The following UST variants were observed in gnomAD, a reference collection of about 807,000 sequenced individuals.
UST encodes uronyl 2-sulfotransferase.
Under a neutral mutation model 45.6 loss-of-function variants are expected in UST, and 21 were observed. The observed-to-expected ratio is 0.46, with a 90% CI of 0.33 to 0.66. The LOEUF (loss-of-function observed/expected upper bound fraction) is 0.66. Among genes scored for constraint, UST ranks in the 30% least tolerant of loss-of-function variants. UST has a pLI of 0.02. For missense variants in UST, 463 were observed against 512.4 expected, an observed-to-expected ratio of 0.90 and a Z score of 0.93; for synonymous variants, 215 against 200.6, an observed-to-expected ratio of 1.07 and a Z score of -0.61.
At chr6:148,792,452 C>T (rs1776867818) in intron 1 of UST, among the ~76,000 whole-genome samples, 1 of 152,116 alleles carries the variant, frequency 6.6e-6, no homozygotes, top group Non-Finnish European at 1.5e-5. Flanking sequence ...AACTATCCTC[C>T]CAGACACTTC....
intron 1 of UST, among the ~76,000 whole-genome samples, chr6:148,824,909 T>A (rs1426537268): frequency 4.5e-5 from 6 of 134,776 alleles, no homozygotes; most frequent in African/African-American, 1.4e-4. Context: ...AATTCCCACC[T>A]ATGAGTGAGA....
intron 1 of UST, among the ~76,000 whole-genome samples, chr6:148,848,500 G>A (rs1182750342): frequency 2.0e-5 from 3 of 152,022 alleles, no homozygotes; most frequent in Non-Finnish European, 2.9e-5. Flanking sequence ...GTGAAACCCT[G>A]TCTCTACTAA....
chr6:149,030,669 T>G lies in UST; in HGVS notation c.937+9188T>G, dbSNP rs1181566516. Among the ~76,000 whole-genome samples, 8 of 151,716 alleles carry G rather than the reference T, an allele frequency of 5.3e-5. No individual in the cohort carries two copies. The South Asian group carries it at 1.7e-3, about 32-fold the overall frequency. ...ATATTCTCTATAAAGATTTTTTTTT[T>G]CAGCAGCCATGTCCCAGGCTCAGAT... On this transcript the variant is annotated intron_variant, in intron 7 of 7. Transcript: ENST00000367463.
intron 5 of UST, chr6:148,993,099 G>A (rs1207914225): frequency 2.0e-6 from 2 of 984,016 alleles, no homozygotes; most frequent in East Asian, 1.1e-4. Flanking sequence ...TTTGTTTCTA[G>A]GTCAGTTAAC....
chr6:148,966,773 G>A (rs1780809908), intron 5 of UST, among the ~76,000 whole-genome samples: 1 of 152,222 alleles, frequency 6.6e-6, no homozygotes, highest in African/African-American at 2.4e-5. Context: ...GTCTTGCTCT[G>A]TTGCCCAGGC....
chr6:149,066,578 A>G (rs749346903), intron 7 of UST, among the ~76,000 whole-genome samples: 6 of 152,132 alleles, frequency 3.9e-5, no homozygotes, highest in Non-Finnish European at 7.4e-5. Flanking sequence ...CTGCCAAACC[A>G]GCTGATACTG....
At chr6:149,056,128 T>C (rs1250234010) in intron 7 of UST, among the ~76,000 whole-genome samples, 55 of 110,644 alleles carry the variant, frequency 5.0e-4, no homozygotes, top group African/African-American at 2.2e-3. Context: ...TTTTTTTTTT[T>C]TTTTTTTTTT....
Position 149,057,177 on chromosome 6 carries a change from A to G in UST, c.938-16656A>G, listed in dbSNP as rs557752161. 1.5e-4 allele frequency among the ~76,000 whole-genome samples: 23 copies of G among 152,376 alleles called. No homozygotes were observed. The South Asian group carries it at 4.3e-3, about 29-fold the overall frequency. ...AGCCCTATCTGAGTACCCAGTTCAT[A>G]GAATCCAAAAATGAGAAAAGATTTC... On this transcript the variant is annotated intron_variant, in intron 7 of 7. Coordinates refer to ENST00000367463, the MANE Select transcript of UST (RefSeq NM_005715.3).
intron 7 of UST, among the ~76,000 whole-genome samples, chr6:149,051,518 G>C (rs1341029186): frequency 1.3e-5 from 2 of 152,228 alleles, no homozygotes; most frequent in African/African-American, 2.4e-5. Context: ...AAGATCTTAA[G>C]TGGATCCTCT....
intron 7 of UST, among the ~76,000 whole-genome samples, chr6:149,039,808 G>A (rs557157940): frequency 2.6e-4 from 40 of 152,336 alleles, no homozygotes; most frequent in African/African-American, 9.6e-4. Flanking sequence ...TCATTTGCAC[G>A]AAGTGGAGGA....
chr6:148,911,965 G>C (rs979622517), intron 2 of UST, among the ~76,000 whole-genome samples: 2 of 152,118 alleles, frequency 1.3e-5, no homozygotes, highest in African/African-American at 4.8e-5. Context: ...GTGAGACTAA[G>C]GGGGGCAGAT....
rs917145258 is a variant in UST at position 148,976,027 on chromosome 6, G to A, written c.681+11464G>A. On this transcript the variant is annotated intron_variant, in intron 5 of 7. Transcript: ENST00000367463. ...GAATGGAGACAATATTTACAAATAT[G>A]ACAAAGAATTTATTCTTAAAGATAT... Among the ~76,000 whole-genome samples, 3 of 152,060 alleles carry A rather than the reference G, an allele frequency of 2.0e-5. No homozygotes were observed. In the East Asian group the frequency reaches 5.8e-4, roughly 29 times the overall value.
rs1180638273 is a variant in UST at position 148,917,065 on chromosome 6, G to A, written c.292-24214G>A. ...AAAGAGGAGAAAGGAGTGAAGAAAGGGAAGAGGAGGGGAGGGGTCCTAGGC... is the reference window on the plus strand; with the variant it reads ...AAAGAGGAGAAAGGAGTGAAGAAAGAGAAGAGGAGGGGAGGGGTCCTAGGC... On this transcript the variant is annotated intron_variant, in intron 2 of 7. Coordinates refer to ENST00000367463, the MANE Select transcript of UST (RefSeq NM_005715.3). Among the ~76,000 whole-genome samples, 5 of 152,208 alleles carry A rather than the reference G, an allele frequency of 3.3e-5. No individual in the cohort carries two copies. In the South Asian group the frequency reaches 6.2e-4, roughly 19 times the overall value.
At chr6:149,064,997 G>A (rs961006909) in intron 7 of UST, among the ~76,000 whole-genome samples, 3 of 152,002 alleles carry the variant, frequency 2.0e-5, no homozygotes, top group South Asian at 2.1e-4. Flanking sequence ...CTCTGTATTC[G>A]TCTCTTTCTT....
chr6:148,991,246 A>G (rs2114992331), intron 5 of UST, among the ~76,000 whole-genome samples: 1 of 152,352 alleles, frequency 6.6e-6, no homozygotes, highest in South Asian at 2.1e-4. Flanking sequence ...AAAATACATC[A>G]TAGTTTTACC....
intron 1 of UST, among the ~76,000 whole-genome samples, chr6:148,885,602 C>T (rs1778898259): frequency 6.6e-6 from 1 of 152,102 alleles, no homozygotes; most frequent in Non-Finnish European, 1.5e-5. Context: ...CCCTGATGTT[C>T]CTTTACTATA....
At chr6:148,939,998 T>C (rs923194744) in intron 2 of UST, among the ~76,000 whole-genome samples, 4 of 152,202 alleles carry the variant, frequency 2.6e-5, no homozygotes, top group Non-Finnish European at 5.9e-5. Flanking sequence ...TATGGAACTC[T>C]TAAAATGCAA....
chr6:149,005,585 G>A (rs185691024), intron 5 of UST: 6 of 985,424 alleles, frequency 6.1e-6, no homozygotes, highest in Non-Finnish European at 6.0e-6. Flanking sequence ...TTGGTACTCA[G>A]TAAAGGTTAG....
intron 1 of UST, among the ~76,000 whole-genome samples, chr6:148,853,899 C>A (rs765524053): frequency 3.3e-5 from 5 of 152,194 alleles, no homozygotes; most frequent in African/African-American, 7.2e-5. Context: ...TTCCCTACCC[C>A]CTGCATACCC....
Sources: allele counts gnomAD v4.1 joint callset (sites outside exome capture counted in the v4.1 genomes callset), GRCh38; gene constraint gnomAD v4.1.1; transcripts MANE v1.5; gene names NCBI Gene and HGNC (gene_info 2026-07-23, HGNC 2026-07-21).